Variants in ALDH5A1 observed in about 807,000 individuals in gnomAD.
The protein encoded by ALDH5A1 is aldehyde dehydrogenase 5 family member A1.
ALDH5A1 carries 33 observed loss-of-function variants against 54.7 expected under a neutral mutation model. The observed-to-expected ratio is 0.60, with a 90% CI of 0.46 to 0.81. The LOEUF (loss-of-function observed/expected upper bound fraction) is 0.81, where lower values mean the gene tolerates loss of function less well. Ranked by LOEUF, ALDH5A1 falls within the 30% of genes least tolerant of loss-of-function variation. ALDH5A1 has a pLI of 0.00. For missense variants in ALDH5A1, 657 were observed against 711.0 expected, an observed-to-expected ratio of 0.92 and a Z score of 0.86; for synonymous variants, 294 against 292.7, an observed-to-expected ratio of 1.00 and a Z score of -0.05.
In ALDH5A1 at chr6:24,501,188, C is replaced by T. The variant is rs562407523; in HGVS notation, c.355-1335C>T. ...CTTGGTAGTCTAAGTGTTTAGCTAT[C>T]AAGCCGGATTCCTTAGTAGACCAAA... On this transcript the variant is annotated intron_variant, in intron 1 of 9. Coordinates refer to ENST00000357578, the MANE Select transcript of ALDH5A1 (RefSeq NM_001080.3). Among the ~76,000 whole-genome samples the T allele has an allele frequency of 3.3e-5, 5 of 152,310 alleles. No individual in the cohort carries two copies. In the South Asian group the frequency reaches 1.0e-3, roughly 32 times the overall value.
At chr6:24,511,732 CTTTT>C (rs76040572) in intron 4 of ALDH5A1, 29 of 350,428 alleles carry the variant, frequency 8.3e-5, no homozygotes, top group Non-Finnish European at 1.0e-4. Flanking sequence ...TTTCTTGTAT[CTTTT>C]TTTTTTTTTT....
intron 4 of ALDH5A1, among the ~76,000 whole-genome samples, chr6:24,513,078 T>G (rs926499528): frequency 2.5e-5 from 1 of 40,274 alleles, no homozygotes; most frequent in African/African-American, 7.3e-5. Context: ...TTTTTTCTAT[T>G]TTTTTCTTTT....
At position 24,495,088 on chromosome 6, in the gene ALDH5A1, TG is replaced by T; in HGVS notation, c.94del (p.Val32SerfsTer59). ...CGCCTCCGCCCCCGCGCCGGCGGCCTGGTCCCTGCCTCCGGGCCTGCGCCCG... is the reference window on the plus strand; with the variant it reads ...CGCCTCCGCCCCCGCGCCGGCGGCCTGTCCCTGCCTCCGGGCCTGCGCCCG... ...GCRLRPRAGG[L>X]VPASGPAPGP... is the part of the protein sequence containing the mutation. On this transcript the variant is annotated frameshift_variant, in exon 1 of 10. Coordinates refer to ENST00000357578, the MANE Select transcript of ALDH5A1 (RefSeq NM_001080.3). LOFTEE classifies it high-confidence loss of function. The T allele has an allele frequency of 7.6e-7, 1 of 1,322,690 alleles. No individual in the cohort carries two copies. The highest frequency in any genetic ancestry group is 3.4e-5 in the Admixed American group (1 of 29,304). 81.9% of individuals were successfully genotyped at this position (1,322,690 alleles called of 1,614,324 possible).
rs1037382333 is a variant in ALDH5A1 at position 24,537,178 on chromosome 6, G to A, written c.*3466G>A. On this transcript the variant is annotated 3_prime_UTR_variant, in exon 10 of 10. Transcript: ENST00000357578. ...GCAGAGAGCTGTGTGATTAATAAAC[G>A]TGGAATTAACAGAATTTCCTCTCCC... 1 of 152,406 alleles carries A rather than the reference G, an allele frequency of 6.6e-6. No individual in the cohort carries two copies. Among genetic ancestry groups the A allele is most frequent in the African/African-American group, 2.4e-5 (1 of 41,414 alleles). 9.4% of individuals were successfully genotyped at this position (152,406 alleles called of 1,614,324 possible).
chr6:24,503,662 G>A lies in ALDH5A1; in HGVS notation c.609+229G>A, dbSNP rs138354499. On this transcript the variant is annotated intron_variant, in intron 3 of 9. Transcript: ENST00000357578. ...GCATTTCTAATGCCTGCAAAAGTGG[G>A]ATGAGCCGCAGGAGGACCCAGGGGC... Among the ~76,000 whole-genome samples the A allele has an allele frequency of 1.4e-4, 21 of 152,316 alleles. No homozygotes were observed. The East Asian group carries it at 3.9e-3, about 28-fold the overall frequency.
At chr6:24,505,149 T>A (rs536453304) in intron 4 of ALDH5A1, among the ~76,000 whole-genome samples, 164 bp downstream of exon 4, 2 of 152,332 alleles carry the variant, frequency 1.3e-5, no homozygotes, top group South Asian at 2.1e-4. Context: ...CAGCTGTAGC[T>A]CTTTTGGGAA....
In ALDH5A1 at chr6:24,522,932, A is replaced by AT. The variant is rs770822292; in HGVS notation, c.1173+8dup. The AT allele has an allele frequency of 1.6e-5, 25 of 1,550,202 alleles. No individual in the cohort carries two copies. The South Asian group carries it at 2.8e-4, about 17-fold the overall frequency. On this transcript the variant is annotated splice_region_variant and intron_variant, in intron 7 of 9. Transcript: ENST00000357578. Reference sequence around the variant, plus strand: ...TGAAAAAGCGGTAGAAAAGGTAAGTATATTGTATTATTTGTGAAAGTAAAT... The same window carrying AT: ...TGAAAAAGCGGTAGAAAAGGTAAGTATTATTGTATTATTTGTGAAAGTAAAT...
intron 1 of ALDH5A1, among the ~76,000 whole-genome samples, chr6:24,499,976 C>CTGTGTGTG (rs111245798): frequency 0.024 from 3,678 of 151,308 alleles, 57 homozygotes; most frequent in South Asian, 0.041. Context: ...CAGATAATTT[C>CTGTGTGTG]TGTGTGTGTG....
intron 7 of ALDH5A1, among the ~76,000 whole-genome samples, chr6:24,526,972 G>GTATA (rs1459778389): frequency 0.011 from 91 of 8,344 alleles, 2 homozygotes; most frequent in African/African-American, 0.019. Context: ...ATATGTGTGT[G>GTATA]TGTATATATA....
intron 8 of ALDH5A1, among the ~76,000 whole-genome samples, chr6:24,529,226 G>A (rs1246993922): frequency 2.0e-5 from 3 of 151,434 alleles, no homozygotes; most frequent in Admixed American, 1.3e-4. Flanking sequence ...GAGTGCAGTG[G>A]TATGATCTCG....
intron 8 of ALDH5A1, among the ~76,000 whole-genome samples, chr6:24,529,670 G>T (rs1249616718): frequency 1.6e-4 from 14 of 86,322 alleles, no homozygotes; most frequent in East Asian, 6.3e-4. Context: ...TTTGGTTTGG[G>T]TTTTTTTTTT....
At chr6:24,504,056 C>G (rs746990690) in intron 3 of ALDH5A1, among the ~76,000 whole-genome samples, 6 of 152,154 alleles carry the variant, frequency 3.9e-5, no homozygotes, top group Non-Finnish European at 8.8e-5. Flanking sequence ...TGTGTTTTTC[C>G]TGCTCAGCAT....
At chr6:24,528,358 A>C (rs1394189074) in intron 8 of ALDH5A1, among the ~76,000 whole-genome samples, 192 bp downstream of exon 8, 5 of 151,318 alleles carry the variant, frequency 3.3e-5, no homozygotes, top group African/African-American at 4.9e-5. Flanking sequence ...AAATTTATCA[A>C]ATTCTATTTT....
chr6:24,522,843 TGAA>T lies in ALDH5A1; in HGVS notation c.1098_1100del (p.Lys366del), dbSNP rs1238470394. ...TTTGTAAAAGCATTCGCCGAGGCCATGAAGAAGAACCTGCGCGTAGGTAATGGA... is the reference window on the plus strand; with the variant it reads ...TTTGTAAAAGCATTCGCCGAGGCCATGAAGAACCTGCGCGTAGGTAATGGA... On this transcript the variant is annotated inframe_deletion, in exon 7 of 10. Coordinates refer to ENST00000357578, the MANE Select transcript of ALDH5A1 (RefSeq NM_001080.3). 1.2e-6 allele frequency: 2 copies of T among 1,614,036 alleles called. No homozygotes were observed. The highest frequency in any genetic ancestry group is 2.2e-5 in the East Asian group (1 of 44,882).
chr6:24,533,688 G>A lies in ALDH5A1; in HGVS notation c.1584G>A (p.Lys528=), dbSNP rs1561881385. The change falls in exon 10 of 10, where the codon AAG becomes AAA. Residue 528 remains lysine, a synonymous_variant. Coordinates refer to ENST00000357578, the MANE Select transcript of ALDH5A1 (RefSeq NM_001080.3). The part of the protein sequence containing the change: ...KYGIDEYLEL[K]YVCYGGL ...GCATTGATGAGTATCTGGAACTCAAGTATGTGTGTTACGGGGGCTTGTAGG... is the reference window on the plus strand; with the variant it reads ...GCATTGATGAGTATCTGGAACTCAAATATGTGTGTTACGGGGGCTTGTAGG... 6.2e-7 allele frequency: 1 copy of A among 1,614,004 alleles called. No homozygotes were observed. Among genetic ancestry groups the A allele is most frequent in the Non-Finnish European group, 8.5e-7 (1 of 1,180,026 alleles).
rs148230303 is a variant in ALDH5A1 at position 24,508,089 on chromosome 6, G to A, written c.726+3104G>A. Among the ~76,000 whole-genome samples, 209 of 152,070 alleles carry A rather than the reference G, an allele frequency of 1.4e-3. 1 individual carries two copies. The highest frequency in any genetic ancestry group is 4.9e-3 in the African/African-American group (204 of 41,454). ...CTTAGAATAATACTCTCCAGGCCAG[G>A]CGCGGTGGCTCACGCCTGTAATCCC... On this transcript the variant is annotated intron_variant, in intron 4 of 9. Coordinates refer to ENST00000357578, the MANE Select transcript of ALDH5A1 (RefSeq NM_001080.3).
intron 4 of ALDH5A1, among the ~76,000 whole-genome samples, chr6:24,511,618 G>A (rs371642165): frequency 1.6e-3 from 241 of 151,718 alleles, no homozygotes; most frequent in African/African-American, 5.4e-3. Context: ...TATTGCTGAG[G>A]CTTTCCAGAA....
At chr6:24,502,662 TAAA>T in intron 2 of ALDH5A1, 56 bp downstream of exon 2, 1 of 1,410,598 alleles carries the variant, frequency 7.1e-7, no homozygotes, top group East Asian at 2.3e-5. Flanking sequence ...ATTTTTACAC[TAAA>T]CTTGGGAAAG....
Position 24,519,763 on chromosome 6 carries a change from T to TC in ALDH5A1, c.871-638_871-637insC, listed in dbSNP as rs1759639953. ...TATAATTATACCATCCTGTTTTTTT[T>TC]TTTTTAAATGTACATGTACCTGAAT... is the stretch of plus-strand genomic sequence containing the variant. On this transcript the variant is annotated intron_variant, in intron 5 of 9. Coordinates refer to ENST00000357578, the MANE Select transcript of ALDH5A1 (RefSeq NM_001080.3). 7.2e-5 allele frequency among the ~76,000 whole-genome samples: 11 copies of TC among 152,062 alleles called. 1 individual carries two copies. The South Asian group carries it at 2.3e-3, about 32-fold the overall frequency.
Sources: allele counts gnomAD v4.1 joint callset (sites outside exome capture counted in the v4.1 genomes callset), GRCh38; gene constraint gnomAD v4.1.1; transcripts MANE v1.5; gene names NCBI Gene and HGNC (gene_info 2026-07-23, HGNC 2026-07-21).